The following SEMA4G variants were observed in gnomAD, a reference collection of about 807,000 sequenced individuals.
SEMA4G encodes semaphorin-4G.
Under a neutral mutation model 81.2 loss-of-function variants are expected in SEMA4G, and 59 were observed. The observed-to-expected ratio is 0.73, with a 90% CI of 0.59 to 0.90. SEMA4G has a LOEUF of 0.90. Among genes scored for constraint, SEMA4G ranks in the 40% least tolerant of loss-of-function variants. SEMA4G has a pLI of 0.00. For missense variants in SEMA4G, 952 were observed against 1,102.3 expected (o/e 0.86, Z 1.93); for synonymous variants, 404 against 433.9 (o/e 0.93, Z 0.86).
intron 11 of SEMA4G, 24 bp from the exon 13 acceptor site, chr10:100,980,798 C>G (rs1361827719): frequency 6.5e-7 from 1 of 1,547,128 alleles, no homozygotes; most frequent in Non-Finnish European, 8.7e-7. Flanking sequence ...ACGCTGCCGA[C>G]CAACTGTCCT....
intron 3 of SEMA4G, chr10:100,975,166 C>A: frequency 4.8e-6 from 2 of 418,432 alleles, no homozygotes; most frequent in South Asian, 1.9e-5. Context: ...TATTCTGTGA[C>A]AGTGAACACC....
At chr10:100,984,843 G>A, downstream of SEMA4G, 1 of 1,507,226 alleles carries the variant, frequency 6.6e-7, no homozygotes, top group Non-Finnish European at 8.9e-7. Flanking sequence ...TTCCTGTGTG[G>A]CCCTTGTGAA....
At position 100,980,347 on chromosome 10, in the gene SEMA4G, GCTTCTGATCC is replaced by G; in HGVS notation, c.1351+5_1351+14del. 1 of 1,612,598 alleles carries G rather than the reference GCTTCTGATCC, an allele frequency of 6.2e-7. No homozygotes were observed. Among genetic ancestry groups the G allele is most frequent in the Non-Finnish European group, 8.5e-7 (1 of 1,178,672 alleles). On this transcript the variant is annotated splice_donor_5th_base_variant and intron_variant, in intron 10 of 13. Transcript: ENST00000370250. Reference sequence around the variant, plus strand: ...TGACCTGCTCTTTCTGGGCACAGGTGCTTCTGATCCCAATCCCTGATCCCTGTTGGCCCTG... The same window carrying G: ...TGACCTGCTCTTTCTGGGCACAGGTGCAATCCCTGATCCCTGTTGGCCCTG...
chr10:100,984,150 A>G, exon 14 of SEMA4G: 4 of 1,588,530 alleles, frequency 2.5e-6, no homozygotes, highest in Non-Finnish European at 3.4e-6. Context: ...TCCCAGAACA[A>G]ATGCTCTTCC....
At position 100,972,716 on chromosome 10, in the gene SEMA4G, G is replaced by A; in HGVS notation, c.-197G>A. On this transcript the variant is annotated 5_prime_UTR_variant, in exon 1 of 14. It adds an upstream start codon to the 5' untranslated region. Transcript: ENST00000370250. ...GGGGATTCCATGGCCACACAACCCT[G>A]TGACTCCATGTCCCCCCGATTCCAG... 1.8e-6 allele frequency: 1 copy of A among 550,284 alleles called. No individual in the cohort carries two copies. The highest frequency in any genetic ancestry group is 3.2e-6 in the Non-Finnish European group (1 of 313,936). 34.1% of individuals were successfully genotyped at this position (550,284 alleles called of 1,614,324 possible).
At chr10:100,975,556 C>G (rs926715440) in intron 3 of SEMA4G, among the ~76,000 whole-genome samples, 3 of 152,146 alleles carry the variant, frequency 2.0e-5, no homozygotes, top group African/African-American at 7.2e-5. Flanking sequence ...CCCTACCCCC[C>G]TTTAAAAAAT....
chr10:100,983,263 C>A (rs1216695046), intron 13 of SEMA4G, 42 bp from the exon 15 acceptor site: 5 of 1,473,222 alleles, frequency 3.4e-6, no homozygotes, highest in Non-Finnish European at 4.5e-6. Flanking sequence ...CTAATCCCTT[C>A]CTGGGACGGG....
upstream of SEMA4G, chr10:100,969,887 GGA>G (rs1443272965): frequency 4.4e-6 from 2 of 455,920 alleles, no homozygotes; most frequent in African/African-American, 4.0e-5. Context: ...CGGGATCGAA[GGA>G]GAGCTTGTCC....
In SEMA4G at chr10:100,973,485, T is replaced by C; in HGVS notation, c.274-62T>C. The C allele has an allele frequency of 6.5e-7, 1 of 1,546,628 alleles. No individual in the cohort carries two copies. The highest frequency in any genetic ancestry group is 8.9e-7 in the Non-Finnish European group (1 of 1,121,492). ...CCCAACTCTGTGGGGTCCTATTGCC[T>C]GGTCCTATGAGTAATAGGTATTGGG... is the stretch of plus-strand genomic sequence containing the variant. On this transcript the variant is annotated intron_variant, in intron 2 of 13. Coordinates refer to ENST00000370250, the Ensembl canonical transcript of SEMA4G. This position sits in a 1 kb window ranked among gnomAD's most constrained non-coding sequence, Gnocchi z 5.5.
chr10:100,969,738 G>A (rs1850576280), upstream of SEMA4G: 1 of 398,804 alleles, frequency 2.5e-6, no homozygotes, highest in Non-Finnish European at 5.2e-6. Context: ...CCTGCATGAC[G>A]GCTCTAGAGG....
chr10:100,969,970 G>T, upstream of SEMA4G: 1 of 432,936 alleles, frequency 2.3e-6, no homozygotes. Context: ...CCAGGATGTT[G>T]GAGGGAGGGG....
At chr10:100,971,903 CT>C (rs1288569297), upstream of SEMA4G, among the ~76,000 whole-genome samples, 2 of 152,126 alleles carry the variant, frequency 1.3e-5, no homozygotes, top group Non-Finnish European at 2.9e-5. Context: ...CAGGGGGATC[CT>C]AGGTACCCAC....
intron 3 of SEMA4G, chr10:100,974,840 G>A: frequency 2.7e-6 from 1 of 374,400 alleles, no homozygotes; most frequent in Non-Finnish European, 5.1e-6. Flanking sequence ...GGCTGGGCAT[G>A]GTGGGTCACA....
chr10:100,975,627 G>A (rs897410901), intron 3 of SEMA4G, among the ~76,000 whole-genome samples: 9 of 152,210 alleles, frequency 5.9e-5, no homozygotes, highest in Admixed American at 1.3e-4. Context: ...GGAGGCCGAG[G>A]CGGGTGGATC....
At chr10:100,974,949 T>C (rs1850733136) in intron 3 of SEMA4G, 1 of 498,222 alleles carries the variant, frequency 2.0e-6, no homozygotes, top group Non-Finnish European at 4.0e-6. Context: ...CTATCTCTAA[T>C]AAAAAATAAT....
At chr10:100,969,707 C>G, upstream of SEMA4G, 1 of 376,010 alleles carries the variant, frequency 2.7e-6, no homozygotes, top group Admixed American at 2.8e-5. Flanking sequence ...CCAGGCCTTT[C>G]TCACCACCAA....
exon 14 of SEMA4G, chr10:100,984,334 CA>C: frequency 6.9e-7 from 1 of 1,442,290 alleles, no homozygotes; most frequent in Non-Finnish European, 9.1e-7. Flanking sequence ...GTGAGCAGCC[CA>C]GGCCCATCGG....
Position 100,981,011 on chromosome 10 carries a change from G to C in SEMA4G, c.1628+29G>C. The C allele has an allele frequency of 1.9e-6, 3 of 1,593,094 alleles. No homozygotes were observed. Among genetic ancestry groups the C allele is most frequent in the South Asian group, 1.1e-5 (1 of 87,630 alleles). ...CCAGGGAAGCAGGTGGGAAGTGGTG[G>C]GGGGTGACAGTCACATGTGGTCTGA... On this transcript the variant is annotated intron_variant, in intron 12 of 13. Transcript: ENST00000370250.
chr10:100,983,626 CTGA>C (rs1187659489), exon 14 of SEMA4G: 2 of 1,614,040 alleles, frequency 1.2e-6, no homozygotes, highest in Non-Finnish European at 1.7e-6. Context: ...CAGCTGGCAC[CTGA>C]TGTGAGACTG....
Sources: gnomAD v4.1 joint callset for allele counts (sites outside exome capture counted in the v4.1 genomes callset) on GRCh38, gnomAD v4.1.1 for gene constraint, Gnocchi (gnomAD v3.1) non-coding constraint, MANE v1.5 for transcripts, NCBI Gene and HGNC (gene_info 2026-07-23, HGNC 2026-07-21) for gene names.